Variants in AP1M2 observed in about 807,000 individuals in gnomAD.
AP1M2 encodes adaptor related protein complex 1 subunit mu 2, also known as AP-1 complex subunit mu-2.
AP1M2 carries 41 observed loss-of-function variants against 54.6 expected under a neutral mutation model. The ratio of observed to expected loss-of-function variants is 0.75; its 90% CI spans 0.59 to 0.97. The LOEUF (loss-of-function observed/expected upper bound fraction) is 0.97. AP1M2 is among the 50% of genes least tolerant of loss of function. The probability of loss-of-function intolerance (pLI) is 0.00; values close to 1 mark genes in which losing one functional copy is unlikely to be tolerated. For missense variants in AP1M2, 507 were observed against 561.2 expected, an observed-to-expected ratio of 0.90 and a Z score of 0.98; for synonymous variants, 219 against 215.9, an observed-to-expected ratio of 1.01 and a Z score of -0.13.
rs1253300747 is a variant in AP1M2, at chr19:10,572,973, C to G, written c.*93G>C. ...GCCAAGTCCAGGACCTGCCCTCACA[C>G]AGACACACACAGCCCGCACCTGCCC... On this transcript the variant is annotated 3_prime_UTR_variant, in exon 12 of 12. Transcript: ENST00000250244. 7.3e-7 allele frequency: 1 copy of G among 1,376,794 alleles called. No individual in the cohort carries two copies. Among genetic ancestry groups the G allele is most frequent in the Admixed American group, 2.0e-5 (1 of 50,344 alleles). 85.3% of individuals were successfully genotyped at this position (1,376,794 alleles called of 1,614,324 possible).
At position 10,575,044 on chromosome 19, in the gene AP1M2, G is replaced by T. The variant is rs780660639; in HGVS notation, c.1048-15C>A. ...TCCTTGCCCCCCTGAGGGAACATGGGGGCATCAGGTACACGAGGGTCCGCC... is the reference window on the plus strand; with the variant it reads ...TCCTTGCCCCCCTGAGGGAACATGGTGGCATCAGGTACACGAGGGTCCGCC... On this transcript the variant is annotated splice_polypyrimidine_tract_variant and intron_variant, in intron 9 of 11. Transcript: ENST00000250244. 2 of 1,483,428 alleles carry T rather than the reference G, an allele frequency of 1.3e-6. No homozygotes were observed. 91.9% of individuals were successfully genotyped at this position (1,483,428 alleles called of 1,614,324 possible).
At chr19:10,583,785 C>T in intron 2 of AP1M2, 112 bp from the exon 3 acceptor site, 2 of 1,476,490 alleles carry the variant, frequency 1.4e-6, no homozygotes, top group Non-Finnish European at 9.2e-7. Flanking sequence ...CCTGCCCCTG[C>T]CCCCCAGCCT....
rs1006946246 is a variant in AP1M2 at position 10,572,960 on chromosome 19, A to T, written c.*106T>A. The T allele has an allele frequency of 5.3e-5, 65 of 1,222,974 alleles. No individual in the cohort carries two copies. Among genetic ancestry groups the T allele is most frequent in the Non-Finnish European group, 7.3e-5 (62 of 851,844 alleles). 75.8% of individuals were successfully genotyped at this position (1,222,974 alleles called of 1,614,324 possible). A position where few individuals can be genotyped will look rare whatever the true frequency, so the allele number is the denominator to read the frequency against. ...GGAGCAAGAAACTGCCAAGTCCAGG[A>T]CCTGCCCTCACACAGACACACACAG... On this transcript the variant is annotated 3_prime_UTR_variant, in exon 12 of 12. Coordinates refer to ENST00000250244, the MANE Select transcript of AP1M2 (RefSeq NM_005498.5).
intron 3 of AP1M2, 98 bp from the exon 4 acceptor site, chr19:10,581,976 C>A: frequency 1.5e-6 from 2 of 1,348,602 alleles, no homozygotes; most frequent in Non-Finnish European, 2.0e-6. Context: ...GGCCAAGGCA[C>A]GAGGATCACT....
intron 9 of AP1M2, among the ~76,000 whole-genome samples, chr19:10,576,149 T>C (rs984334195): frequency 1.3e-4 from 19 of 148,952 alleles, no homozygotes; most frequent in Non-Finnish European, 2.5e-4. Flanking sequence ...TGGAGTGCGG[T>C]GGCGTGATCT....
rs1917238999 is a variant in AP1M2 at position 10,576,506 on chromosome 19, C to T, written c.1047+692G>A. ...CTCGATCTCCTGACCTCGTGATCCG[C>T]CCACCTCGGCCTCCCAAAGTGCTGG... On this transcript the variant is annotated intron_variant, in intron 9 of 11. Coordinates refer to ENST00000250244, the MANE Select transcript of AP1M2 (RefSeq NM_005498.5). 2.0e-5 allele frequency among the ~76,000 whole-genome samples: 3 copies of T among 152,026 alleles called. No individual in the cohort carries two copies. The South Asian group carries it at 6.2e-4, about 32-fold the overall frequency.
Position 10,584,070 on chromosome 19 carries a change from G to A in AP1M2, c.43C>T (p.Pro15Ser), listed in dbSNP as rs1279231488. The A allele has an allele frequency of 3.1e-6, 5 of 1,608,292 alleles. No individual in the cohort carries two copies. The South Asian group carries it at 4.5e-5, about 14-fold the overall frequency. ...CCCTTGTAGTTGCGGCTGATCAATG[G>A]CTGAGGGTGGAAGGAAAGGACCTGG... The part of the protein sequence containing the change: ...AVFILDVKGK[P>S]LISRNYKGDV... The change falls in exon 2 of 12, where the codon CCA (proline) becomes TCA (serine). Residue 15 changes from proline to serine, a missense_variant and splice_region_variant. Physicochemically the swap from Pro to Ser is moderately conservative, Grantham distance 74 (BLOSUM62 -1). Coordinates refer to ENST00000250244, the MANE Select transcript of AP1M2 (RefSeq NM_005498.5).
intron 8 of AP1M2, among the ~76,000 whole-genome samples, chr19:10,577,761 G>C (rs886432349): frequency 7.2e-6 from 1 of 139,442 alleles, no homozygotes; most frequent in Admixed American, 7.7e-5. Context: ...TTTTTAGACG[G>C]AGTCTCTCTC....
chr19:10,572,924 G>A lies in AP1M2; in HGVS notation c.*142C>T. The A allele has an allele frequency of 4.0e-6, 3 of 746,870 alleles. No individual in the cohort carries two copies. Among genetic ancestry groups the A allele is most frequent in the Non-Finnish European group, 6.8e-6 (3 of 441,886 alleles). The allele number at this position is 746,870 out of a possible 1,614,324, so 46.3% of individuals were successfully genotyped here. The stretch of plus-strand genomic sequence containing the variant: ...TGGAATAAGGAAGAGGTGAGGAAGG[G>A]GCGGGTGCTGGGAGCAAGAAACTGC... On this transcript the variant is annotated 3_prime_UTR_variant, in exon 12 of 12. Coordinates refer to ENST00000250244, the MANE Select transcript of AP1M2 (RefSeq NM_005498.5).
Position 10,583,825 on chromosome 19 carries a change from G to A in AP1M2, c.199+89C>T, listed in dbSNP as rs953452453. 3.1e-5 allele frequency: 47 copies of A among 1,511,624 alleles called. No homozygotes were observed. The African/African-American group carries it at 4.9e-4, about 16-fold the overall frequency. 93.6% of individuals were successfully genotyped at this position (1,511,624 alleles called of 1,614,324 possible). A position where few individuals can be genotyped will look rare whatever the true frequency, so the allele number is the denominator to read the frequency against. On this transcript the variant is annotated intron_variant, in intron 2 of 11. Transcript: ENST00000250244. ...CACAGAGATGTGCGGTGCAACTCCT[G>A]TCCTCAGCCCACCCTCTCTTGGCCT... is the stretch of plus-strand genomic sequence containing the variant.
intron 1 of AP1M2, among the ~76,000 whole-genome samples, chr19:10,585,648 G>A (rs995223921): frequency 6.6e-6 from 1 of 151,014 alleles, no homozygotes; most frequent in African/African-American, 2.4e-5. Flanking sequence ...TGTGAGCTGA[G>A]ATCACACCAG....
chr19:10,583,931 T>C lies in AP1M2; in HGVS notation c.182A>G (p.Lys61Arg), dbSNP rs1329663358. 6.2e-7 allele frequency: 1 copy of C among 1,600,686 alleles called. No individual in the cohort carries two copies. The highest frequency in any genetic ancestry group is 2.3e-5 in the East Asian group (1 of 44,352). The change falls in exon 2 of 12, where the codon AAA becomes AGA. Residue 61 changes from lysine (K) to arginine (R), a missense_variant. Physicochemically the swap from Lys to Arg is conservative, Grantham distance 26 (BLOSUM62 2). Coordinates refer to ENST00000250244, the MANE Select transcript of AP1M2 (RefSeq NM_005498.5). ...GTGGATACAGTAGAGGTTGCTGTGT[T>C]TGATCCATAGGAAGTGGACCTGGCC... is the stretch of plus-strand genomic sequence containing the variant. ...SHGQVHFLWI[K>R]HSNLYLVATT...
Position 10,581,642 on chromosome 19 carries a change from G to A in AP1M2, c.399-8C>T. On this transcript the variant is annotated splice_region_variant and splice_polypyrimidine_tract_variant and intron_variant, in intron 4 of 11. Transcript: ENST00000250244. ...CTCTGCTGAGTGATGTACCTGGAGG[G>A]AGGGCGGCAGGGACAAGCAGCTGGA... 10 of 1,613,806 alleles carry A rather than the reference G, an allele frequency of 6.2e-6. No individual in the cohort carries two copies. Among genetic ancestry groups the A allele is most frequent in the Non-Finnish European group, 8.5e-6 (10 of 1,179,886 alleles).
Position 10,581,899 on chromosome 19 carries a change from A to G in AP1M2, c.268-21T>C, listed in dbSNP as rs1315312029. On this transcript the variant is annotated intron_variant, in intron 3 of 11. Transcript: ENST00000250244. ...AATACCTGGGGGTTGGAGGAGAGAG[A>G]GACCCACAAAAGTGTGGCTATGGGT... is the stretch of plus-strand genomic sequence containing the variant. 5 of 1,566,526 alleles carry G rather than the reference A, an allele frequency of 3.2e-6. No homozygotes were observed. The African/African-American group carries it at 5.4e-5, about 17-fold the overall frequency.
chr19:10,587,032 G>A (rs1381307256), intron 1 of AP1M2, 158 bp downstream of exon 1: 6 of 794,710 alleles, frequency 7.5e-6, no homozygotes, highest in Non-Finnish European at 1.2e-5. Flanking sequence ...TTGGCCTCAG[G>A]CACAAGGCGA....
At chr19:10,574,778 A>T in intron 10 of AP1M2, 126 bp downstream of exon 10, 1 of 1,298,728 alleles carries the variant, frequency 7.7e-7, no homozygotes, top group Non-Finnish European at 1.0e-6. Flanking sequence ...GCTCTGGGAA[A>T]GACCAGGCAG....
At position 10,574,437 on chromosome 19, in the gene AP1M2, C is replaced by T. The variant is rs760302137; in HGVS notation, c.1229G>A (p.Arg410His). 13 of 1,560,150 alleles carry T rather than the reference C, an allele frequency of 8.3e-6. No individual in the cohort carries two copies. Among genetic ancestry groups the T allele is most frequent in the East Asian group, 2.4e-5 (1 of 41,964 alleles). The change falls in exon 11 of 12, where the codon CGC becomes CAC. Residue 410 changes from arginine (R) to histidine (H), a missense_variant. Transcript: ENST00000250244. ...CTTACCGCCACTCTGGGTGATGTAG[C>T]GAACCCAGGGCAGGGCCTGGTAACC... ...KSGYQALPWV[R>H]YITQSGDYQL...
intron 3 of AP1M2, among the ~76,000 whole-genome samples, chr19:10,582,277 C>T (rs975861098): frequency 2.0e-5 from 3 of 151,196 alleles, no homozygotes; most frequent in African/African-American, 4.9e-5. Flanking sequence ...CTCTTGATCT[C>T]GTAATCCGCC....
intron 8 of AP1M2, 140 bp downstream of exon 8, chr19:10,578,752 C>T (rs1302678527): frequency 5.4e-6 from 3 of 553,198 alleles, no homozygotes; most frequent in African/African-American, 1.9e-5. Context: ...GGGTTTCGCC[C>T]TGTTGCCCAG....
Sources: gnomAD v4.1 joint callset for allele counts (sites outside exome capture counted in the v4.1 genomes callset) on GRCh38, gnomAD v4.1.1 for gene constraint, MANE v1.5 for transcripts, NCBI Gene and HGNC (gene_info 2026-07-23, HGNC 2026-07-21) for gene names.